DDHD1: variants seen among roughly 807,000 people sequenced by gnomAD.
DDHD1 encodes the protein DDHD domain containing 1.
In DDHD1, 49 loss-of-function variants were observed where a neutral mutation model predicts 96.4. The observed-to-expected ratio is 0.51, with a 90% CI of 0.40 to 0.64. The LOEUF is 0.64. Ranked by LOEUF, DDHD1 falls within the 30% of genes least tolerant of loss-of-function variation. DDHD1 has a pLI of 0.00. For synonymous variants in DDHD1, 442 were observed against 446.5 expected (o/e 0.99, Z 0.13); for missense variants, 1,106 against 1,161.2 (o/e 0.95, Z 0.69).
intron 1 of DDHD1, among the ~76,000 whole-genome samples, chr14:53,109,417 C>T (rs941847881): frequency 3.3e-5 from 5 of 150,518 alleles, no homozygotes; most frequent in Admixed American, 6.6e-5. Context: ...TTTTCTCAGT[C>T]TCTTAAGCCT....
intron 4 of DDHD1, among the ~76,000 whole-genome samples, chr14:53,074,910 A>G (rs925212618): frequency 5.3e-5 from 8 of 152,130 alleles, no homozygotes; most frequent in Non-Finnish European, 1.2e-4. Flanking sequence ...TAATCCTCAC[A>G]ATATTTCAAA....
chr14:53,058,378 G>T (rs1412176397), intron 9 of DDHD1, 99 bp downstream of exon 9: 1 of 1,361,124 alleles, frequency 7.3e-7, no homozygotes, highest in Non-Finnish European at 1.0e-6. Context: ...GCCTCCCAAA[G>T]TGCTGGGATT....
intron 1 of DDHD1, among the ~76,000 whole-genome samples, chr14:53,144,864 C>A (rs936338949): frequency 6.6e-6 from 1 of 152,188 alleles, no homozygotes; most frequent in Non-Finnish European, 1.5e-5. Context: ...AATTACTGAG[C>A]AGAGGCTGGG....
intron 8 of DDHD1, among the ~76,000 whole-genome samples, chr14:53,059,641 G>A (rs1412191550): frequency 2.7e-5 from 4 of 148,198 alleles, no homozygotes; most frequent in South Asian, 2.1e-4. Context: ...CGTGGCGGGC[G>A]GATCACGAGG....
chr14:53,135,660 T>C (rs536704367), intron 1 of DDHD1, among the ~76,000 whole-genome samples: 2 of 152,346 alleles, frequency 1.3e-5, no homozygotes, highest in African/African-American at 4.8e-5. Context: ...ATAGGATATG[T>C]AAGCACTGGG....
At chr14:53,115,382 C>A (rs1164906514) in intron 1 of DDHD1, among the ~76,000 whole-genome samples, 2 of 152,136 alleles carry the variant, frequency 1.3e-5, no homozygotes, top group Non-Finnish European at 2.9e-5. Context: ...GAGACCACCA[C>A]TAAGATACTG....
chr14:53,087,432 G>T (rs541405492), intron 4 of DDHD1, among the ~76,000 whole-genome samples: 1 of 152,090 alleles, frequency 6.6e-6, no homozygotes, highest in Non-Finnish European at 1.5e-5. Flanking sequence ...CTCAGCAAAG[G>T]TAAAAGAACC....
At chr14:53,112,050 C>A (rs1049643435) in intron 1 of DDHD1, among the ~76,000 whole-genome samples, 5 of 152,094 alleles carry the variant, frequency 3.3e-5, no homozygotes, top group Non-Finnish European at 7.3e-5. Flanking sequence ...ACAGAGTAGA[C>A]GTTAAACATT....
chr14:53,139,552 AT>A (rs1328329159), intron 1 of DDHD1, among the ~76,000 whole-genome samples: 1 of 152,138 alleles, frequency 6.6e-6, no homozygotes, highest in East Asian at 1.9e-4. Context: ...AGGTTGCTCA[AT>A]CCCCCACACT....
chr14:53,096,166 T>G (rs996954347), intron 2 of DDHD1: 1 of 985,130 alleles, frequency 1.0e-6, no homozygotes, highest in Non-Finnish European at 1.2e-6. Flanking sequence ...TCTCCTTATA[T>G]CTTCTCCATT....
intron 11 of DDHD1, chr14:53,053,606 T>G (rs1282929947): frequency 1.3e-5 from 2 of 152,094 alleles, no homozygotes; most frequent in Non-Finnish European, 2.9e-5. Context: ...AACACAATAC[T>G]CTAAGTAACA....
intron 1 of DDHD1, among the ~76,000 whole-genome samples, chr14:53,141,413 G>A (rs904286134): frequency 2.6e-5 from 4 of 152,142 alleles, no homozygotes; most frequent in East Asian, 1.9e-4. Flanking sequence ...TAAGGTCTTC[G>A]AACCCCTTGT....
intron 1 of DDHD1, among the ~76,000 whole-genome samples, chr14:53,145,299 G>C (rs1890899787): frequency 6.6e-6 from 1 of 151,978 alleles, no homozygotes. Context: ...AGGAGTTTGA[G>C]ACCACCCTGG....
At chr14:53,085,199 T>C (rs1435872495) in intron 4 of DDHD1, among the ~76,000 whole-genome samples, 2 of 152,182 alleles carry the variant, frequency 1.3e-5, no homozygotes, top group Non-Finnish European at 2.9e-5. Flanking sequence ...GGGCAGGGCA[T>C]AGCTGAACAA....
chr14:53,054,839 T>C (rs564415469), intron 10 of DDHD1, among the ~76,000 whole-genome samples: 3 of 152,140 alleles, frequency 2.0e-5, no homozygotes, highest in East Asian at 1.9e-4. Context: ...TCTAGGAATA[T>C]AACACAGGAA....
chr14:53,068,453 G>A (rs529102741), intron 6 of DDHD1, among the ~76,000 whole-genome samples: 31 of 152,152 alleles, frequency 2.0e-4, no homozygotes, highest in Admixed American at 1.1e-3. Flanking sequence ...GTCTGGCTAT[G>A]TTGTCCAGGC....
At position 53,152,429 on chromosome 14, in the gene DDHD1, T is replaced by C; in HGVS notation, c.670A>G (p.Ser224Gly). 1.2e-6 allele frequency: 2 copies of C among 1,613,734 alleles called. No homozygotes were observed. Among genetic ancestry groups the C allele is most frequent in the Non-Finnish European group, 8.5e-7 (1 of 1,179,936 alleles). The change falls in exon 1 of 13, where the codon AGT becomes GGT. Residue 224 changes from serine (S) to glycine (G), a missense_variant. By Grantham distance (56) the Ser-to-Gly change is moderately conservative. Around this residue, in one of 2 missense-constraint regions of DDHD1, gnomAD observed 456 missense variants for 402.4 expected, o/e 1.13. Coordinates refer to ENST00000673822, the MANE Select transcript of DDHD1 (RefSeq NM_001160148.2). ...HVCSPTGPASSSGEDDDEDRA... is the reference protein window; with the variant it reads ...HVCSPTGPASGSGEDDDEDRA... Reference sequence around the variant, plus strand: ...TCCTCATCGTCATCTTCTCCGGAACTGGAGGCTGGGCCCGTGGGGGAGCAC... The same window carrying C: ...TCCTCATCGTCATCTTCTCCGGAACCGGAGGCTGGGCCCGTGGGGGAGCAC...
intron 1 of DDHD1, among the ~76,000 whole-genome samples, chr14:53,124,856 A>T (rs550083377): frequency 3.0e-4 from 46 of 152,324 alleles, no homozygotes; most frequent in African/African-American, 1.1e-3. Flanking sequence ...TCATAGTTCT[A>T]GATGCTATAA....
chr14:53,091,936 T>C lies in DDHD1; in HGVS notation c.1142-4A>G. 4 of 1,599,228 alleles carry C rather than the reference T, an allele frequency of 2.5e-6. No individual in the cohort carries two copies. The highest frequency in any genetic ancestry group is 2.3e-5 in the South Asian group (2 of 88,144). ...AGTCTGGTACCACTACTTGATGCTG[T>C]AGAAAAATTATAATTCTAAGTTTAC... On this transcript the variant is annotated splice_polypyrimidine_tract_variant and splice_region_variant and intron_variant, in intron 3 of 12. Transcript: ENST00000673822.
Sources: gnomAD v4.1 joint callset for allele counts (sites outside exome capture counted in the v4.1 genomes callset) on GRCh38, gnomAD v4.1.1 for gene constraint, gnomAD v4.1.1 regional missense constraint, MANE v1.5 for transcripts, NCBI Gene and HGNC (gene_info 2026-07-23, HGNC 2026-07-21) for gene names.